DNAJC6: variants seen among roughly 807,000 people sequenced by gnomAD.
DNAJC6 encodes the protein DnaJ heat shock protein family (Hsp40) member C6.
Under a neutral mutation model 110.0 loss-of-function variants are expected in DNAJC6, and 34 were observed. The ratio of observed to expected loss-of-function variants is 0.31; its 90% CI spans 0.24 to 0.41. The LOEUF (loss-of-function observed/expected upper bound fraction) is 0.41, where lower values mean the gene tolerates loss of function less well. Among genes scored for constraint, DNAJC6 ranks in the 10% least tolerant of loss-of-function variants. The probability of loss-of-function intolerance (pLI) is 1.00; values close to 1 mark genes in which losing one functional copy is unlikely to be tolerated. For synonymous variants in DNAJC6, 406 were observed against 437.2 expected (o/e 0.93, Z 0.89); for missense variants, 1,031 against 1,207.8 (o/e 0.85, Z 2.17).
At chr1:65,274,229 T>C (rs1425033176) in intron 1 of DNAJC6, among the ~76,000 whole-genome samples, 2 of 152,162 alleles carry the variant, frequency 1.3e-5, no homozygotes, top group Non-Finnish European at 2.9e-5. Flanking sequence ...ATCTACCTTT[T>C]TGATATTAAT....
intron 1 of DNAJC6, among the ~76,000 whole-genome samples, chr1:65,322,373 A>T (rs1049874183): frequency 1.3e-5 from 2 of 152,208 alleles, no homozygotes; most frequent in African/African-American, 4.8e-5. Context: ...ACATATACAT[A>T]CATCCAATCA....
chr1:65,392,443 A>T lies in DNAJC6; in HGVS notation c.1481A>T (p.Glu494Val). 1 of 1,598,462 alleles carries T rather than the reference A, an allele frequency of 6.3e-7. No homozygotes were observed. Among genetic ancestry groups the T allele is most frequent in the African/African-American group, 1.3e-5 (1 of 74,534 alleles). ...TGGCCTTCCTCAGATCAGAAATCGG[A>T]GAAGTCATTCTGTGAGGAGGACCAC... ...ASLCWQDQKS[E>V]KSFCEEDHAA... is the part of the protein sequence containing the mutation. The change falls in exon 12 of 19, where the codon GAG (glutamate) becomes GTG (valine). Residue 494 changes from glutamate to valine, a missense_variant. Transcript: ENST00000371069.
chr1:65,319,509 G>A (rs1223701643), intron 1 of DNAJC6, among the ~76,000 whole-genome samples: 1 of 152,186 alleles, frequency 6.6e-6, no homozygotes, highest in Non-Finnish European at 1.5e-5. Context: ...CACTGGGAGA[G>A]CCCTAGACTC....
At chr1:65,411,011 A>G (rs1646123576) in intron 17 of DNAJC6, among the ~76,000 whole-genome samples, 2 of 152,320 alleles carry the variant, frequency 1.3e-5, no homozygotes, top group Middle Eastern at 3.4e-3. Flanking sequence ...TCAAACTCGC[A>G]AAGTCTAACA....
intron 1 of DNAJC6, among the ~76,000 whole-genome samples, chr1:65,351,999 C>T (rs1645494859): frequency 6.6e-5 from 10 of 152,144 alleles, no homozygotes. Context: ...CTCCTGACTT[C>T]AGGTGATCCA....
intron 5 of DNAJC6, 28 bp from the exon 6 acceptor site, chr1:65,384,165 T>A: frequency 2.8e-6 from 4 of 1,431,914 alleles, no homozygotes; most frequent in Non-Finnish European, 3.7e-6. Context: ...ATCATGTTCA[T>A]AATGATTTTA....
chr1:65,269,812 T>C (rs947887307), intron 1 of DNAJC6, among the ~76,000 whole-genome samples: 1 of 152,340 alleles, frequency 6.6e-6, no homozygotes, highest in African/African-American at 2.4e-5. Context: ...ACTGGAAATC[T>C]GCAGGTATGT....
At chr1:65,302,917 G>A (rs1249808686) in intron 1 of DNAJC6, among the ~76,000 whole-genome samples, 1 of 152,078 alleles carries the variant, frequency 6.6e-6, no homozygotes, top group African/African-American at 2.4e-5. Context: ...CCAGATGTAG[G>A]CTCCTTGATC....
Position 65,272,508 on chromosome 1 carries a change from G to A in DNAJC6, c.-131+7576G>A, listed in dbSNP as rs140470330. Among the ~76,000 whole-genome samples, 5 of 152,286 alleles carry A rather than the reference G, an allele frequency of 3.3e-5. 1 individual carries two copies. ...GATTTCCTTTTGTTGTGGTGCCCTT[G>A]CCACATTTTGGCATCAAGGATATGT... On this transcript the variant is annotated intron_variant, in intron 1 of 19. Transcript: ENST00000263441.
intron 15 of DNAJC6, among the ~76,000 whole-genome samples, chr1:65,404,461 A>G (rs1191926105): frequency 2.0e-5 from 3 of 152,220 alleles, no homozygotes; most frequent in Non-Finnish European, 2.9e-5. Flanking sequence ...AAGATTCTCT[A>G]TATCCTGTTT....
intron 5 of DNAJC6, 147 bp downstream of exon 5, chr1:65,379,671 A>G (rs1645799804): frequency 1.7e-6 from 2 of 1,188,478 alleles, no homozygotes; most frequent in Non-Finnish European, 2.4e-6. Flanking sequence ...AGTTGTAAAA[A>G]TAAGAAAGGG....
chr1:65,395,010 A>G lies in DNAJC6; in HGVS notation c.2016A>G (p.Arg672=), dbSNP rs779798760. ...ASSDPFLQPT[R]SPSPTVHASS... ...GTGACCCCTTTCTCCAGCCAACAAG[A>G]AGTCCTTCGCCCACAGTACATGGTA... Residue 672 remains arginine (R), a synonymous_variant, in exon 13 of 19, where the codon AGA becomes AGG. Transcript: ENST00000371069. 6.2e-7 allele frequency: 1 copy of G among 1,611,206 alleles called. No homozygotes were observed. Among genetic ancestry groups the G allele is most frequent in the South Asian group, 1.1e-5 (1 of 90,256 alleles).
chr1:65,367,281 C>T (rs568573447), intron 4 of DNAJC6, among the ~76,000 whole-genome samples: 8 of 152,164 alleles, frequency 5.3e-5, no homozygotes, highest in African/African-American at 1.2e-4. Context: ...GATGTTGCTG[C>T]GGGGACCACT....
Position 65,353,595 on chromosome 1 carries a change from C to G in DNAJC6, c.194-11040C>G, listed in dbSNP as rs17401798. On this transcript the variant is annotated intron_variant, in intron 1 of 18. Coordinates refer to ENST00000371069, the MANE Select transcript of DNAJC6 (RefSeq NM_001256864.2). The stretch of plus-strand genomic sequence containing the variant: ...AACACTGTGCCCTATCTTTATTATA[C>G]GCAGAGTTCATTTTGGTTTCAATGT... Among the ~76,000 whole-genome samples, 1,017 of 152,260 alleles carry G rather than the reference C, an allele frequency of 6.7e-3. 11 individuals carry two copies. The highest frequency in any genetic ancestry group is 0.023 in the African/African-American group (969 of 41,546).
chr1:65,347,204 G>A (rs780464170), intron 1 of DNAJC6, among the ~76,000 whole-genome samples: 16 of 152,098 alleles, frequency 1.1e-4, no homozygotes, highest in Admixed American at 2.0e-4. Flanking sequence ...GTATATGTAC[G>A]TATACACAAA....
intron 1 of DNAJC6, among the ~76,000 whole-genome samples, chr1:65,267,105 C>T (rs1401155106): frequency 2.0e-5 from 3 of 152,104 alleles, no homozygotes; most frequent in African/African-American, 7.2e-5. Context: ...CCATCTTGGC[C>T]AGGCTGGTCT....
chr1:65,337,410 C>T (rs1645348138), intron 1 of DNAJC6, among the ~76,000 whole-genome samples: 1 of 151,662 alleles, frequency 6.6e-6, no homozygotes, highest in South Asian at 2.1e-4. Context: ...AGGCTTGATT[C>T]TTACCCTTTA....
rs201804405 is a variant in DNAJC6, at chr1:65,411,459, C to G, written c.2811+33C>G. 20 of 1,587,182 alleles carry G rather than the reference C, an allele frequency of 1.3e-5. No individual in the cohort carries two copies. In the East Asian group the frequency reaches 4.3e-4, roughly 34 times the overall value. ...TAACCTGCCCTGTTGTGTAACTTGT[C>G]AGGTCCTTGCTTCATTATCTTATGA... On this transcript the variant is annotated intron_variant, in intron 18 of 18. Transcript: ENST00000371069.
chr1:65,357,328 C>T (rs1645553013), intron 1 of DNAJC6, among the ~76,000 whole-genome samples: 1 of 152,100 alleles, frequency 6.6e-6, no homozygotes, highest in African/African-American at 2.4e-5. Flanking sequence ...ATCCTGAACA[C>T]TATGGGATAC....
Sources: allele counts gnomAD v4.1 joint callset (sites outside exome capture counted in the v4.1 genomes callset), GRCh38; gene constraint gnomAD v4.1.1; transcripts MANE v1.5; gene names NCBI Gene and HGNC (gene_info 2026-07-23, HGNC 2026-07-21).